The following SNX29 variants were observed in gnomAD, a reference collection of about 807,000 sequenced individuals.
SNX29 encodes sorting nexin-29.
Under a neutral mutation model 102.1 loss-of-function variants are expected in SNX29, and 78 were observed. The observed-to-expected ratio is 0.76, with a 90% CI of 0.64 to 0.92. The LOEUF is 0.92. Among genes scored for constraint, SNX29 ranks in the 40% least tolerant of loss-of-function variants. SNX29 has a pLI of 0.00. For synonymous variants in SNX29, 580 were observed against 414.5 expected, an observed-to-expected ratio of 1.40 and a Z score of -4.85; for missense variants, 1,280 against 1,061.7, an observed-to-expected ratio of 1.21 and a Z score of -2.86.
At chr16:12,198,231 G>A (rs1490108400) in intron 13 of SNX29, among the ~76,000 whole-genome samples, 1 of 152,060 alleles carries the variant, frequency 6.6e-6, no homozygotes, top group African/African-American at 2.4e-5. Context: ...GTGTTGAGTG[G>A]AACAGTAAAC....
chr16:12,572,333 C>G lies in SNX29; in HGVS notation c.*3704C>G, dbSNP rs993074006. 8 of 1,063,238 alleles carry G rather than the reference C, an allele frequency of 7.5e-6. No homozygotes were observed. Among genetic ancestry groups the G allele is most frequent in the Non-Finnish European group, 6.8e-6 (6 of 877,960 alleles). 65.9% of individuals were successfully genotyped at this position (1,063,238 alleles called of 1,614,324 possible). A position where few individuals can be genotyped will look rare whatever the true frequency, so the allele number is the denominator to read the frequency against. Reference sequence around the variant, plus strand: ...GGTTGGAAACAGGAGTGAAGCCCACCAGCCTGCCTGGTTGATGGACAGCAG... The same window carrying G: ...GGTTGGAAACAGGAGTGAAGCCCACGAGCCTGCCTGGTTGATGGACAGCAG... On this transcript the variant is annotated 3_prime_UTR_variant, in exon 21 of 21. Transcript: ENST00000566228.
At chr16:12,382,710 G>A (rs1225719119) in intron 16 of SNX29, among the ~76,000 whole-genome samples, 7 of 152,160 alleles carry the variant, frequency 4.6e-5, no homozygotes, top group Admixed American at 6.5e-5. Context: ...CAGTGGCAGG[G>A]CTGTGTTCCC....
At chr16:12,258,848 T>C (rs1451089572) in intron 14 of SNX29, among the ~76,000 whole-genome samples, 14 of 152,190 alleles carry the variant, frequency 9.2e-5, no homozygotes, top group Admixed American at 8.5e-4. Flanking sequence ...ATCTAATATA[T>C]AATGAGACAC....
chr16:12,420,993 G>A (rs924043124), intron 18 of SNX29, among the ~76,000 whole-genome samples: 2 of 152,178 alleles, frequency 1.3e-5, no homozygotes, highest in African/African-American at 4.8e-5. Context: ...GTGCTATGCG[G>A]GGTACTTTTT....
intron 15 of SNX29, among the ~76,000 whole-genome samples, chr16:12,302,970 AATG>A (rs1393457417): frequency 6.6e-6 from 1 of 152,192 alleles, no homozygotes; most frequent in Non-Finnish European, 1.5e-5. Flanking sequence ...ATTTTCAAGA[AATG>A]ATGTTTATAA....
At chr16:12,068,617 T>G (rs2151298320) in intron 9 of SNX29, among the ~76,000 whole-genome samples, 1 of 152,208 alleles carries the variant, frequency 6.6e-6, no homozygotes, top group South Asian at 2.1e-4. Flanking sequence ...CGATCTCGGC[T>G]CACTGCAACC....
At chr16:12,476,629 C>G (rs1290357393) in intron 18 of SNX29, among the ~76,000 whole-genome samples, 1 of 151,144 alleles carries the variant, frequency 6.6e-6, no homozygotes, top group Non-Finnish European at 1.5e-5. Context: ...GACCCCGGGA[C>G]TTCTGTAAAC....
chr16:12,082,230 C>A (rs985558613), intron 11 of SNX29, among the ~76,000 whole-genome samples: 3 of 152,072 alleles, frequency 2.0e-5, no homozygotes, highest in African/African-American at 4.8e-5. Flanking sequence ...AGGACAGCAG[C>A]CCCGAGATCA....
At chr16:12,083,537 CTTA>C (rs1166265254) in intron 11 of SNX29, among the ~76,000 whole-genome samples, 2 of 152,120 alleles carry the variant, frequency 1.3e-5, no homozygotes, top group Non-Finnish European at 2.9e-5. Flanking sequence ...TGCTTATGAC[CTTA>C]TTAACTTTGA....
intron 15 of SNX29, 72 bp downstream of exon 15, chr16:12,278,108 A>G (rs2079313542): frequency 1.5e-6 from 2 of 1,374,530 alleles, no homozygotes; most frequent in African/African-American, 1.4e-5. Flanking sequence ...GGGTAGGTCC[A>G]GCCTATTCTA....
chr16:12,398,713 A>T lies in SNX29; in HGVS notation c.1955+212A>T, dbSNP rs200072231. ...TTCTCACCCTTGGGTATTTAAAAAC[A>T]TTTTTTTTTTTTTTGGCTGACATTT... On this transcript the variant is annotated intron_variant, in intron 17 of 20. Transcript: ENST00000566228. Among the ~76,000 whole-genome samples the T allele has an allele frequency of 9.0e-4, 130 of 144,654 alleles. 5 individuals are homozygous for T. In the East Asian group the frequency reaches 0.02, roughly 22 times the overall value. 94.9% of individuals were successfully genotyped at this position (144,654 alleles called of 152,430 possible).
intron 15 of SNX29, among the ~76,000 whole-genome samples, chr16:12,317,588 C>T (rs541673731): frequency 3.9e-5 from 6 of 152,186 alleles, no homozygotes; most frequent in Non-Finnish European, 7.3e-5. Flanking sequence ...TTTCTGTGTG[C>T]TGCCACCTAA....
chr16:12,573,129 G>A lies in SNX29; in HGVS notation c.*4500G>A, dbSNP rs1360529488. The A allele has an allele frequency of 8.8e-6, 2 of 227,096 alleles. No individual in the cohort carries two copies. Among genetic ancestry groups the A allele is most frequent in the African/African-American group, 2.2e-5 (1 of 44,972 alleles). 14.1% of individuals were successfully genotyped at this position (227,096 alleles called of 1,614,324 possible). On this transcript the variant is annotated 3_prime_UTR_variant, in exon 21 of 21. Transcript: ENST00000566228. ...TTTTCTAATACACAATCTTGATCTTGTTTCCAAAATAAAGCTTCAGCTCCT... is the reference window on the plus strand; with the variant it reads ...TTTTCTAATACACAATCTTGATCTTATTTCCAAAATAAAGCTTCAGCTCCT...
chr16:12,315,839 C>A (rs1038348619), intron 15 of SNX29, among the ~76,000 whole-genome samples: 1 of 152,184 alleles, frequency 6.6e-6, no homozygotes, highest in Non-Finnish European at 1.5e-5. Flanking sequence ...GAGTTTGTCA[C>A]CCCTGCTCTA....
intron 15 of SNX29, among the ~76,000 whole-genome samples, chr16:12,334,801 C>T (rs1447595489): frequency 6.6e-6 from 1 of 152,022 alleles, no homozygotes; most frequent in African/African-American, 2.4e-5. Flanking sequence ...ACCATGTCAC[C>T]CCATCCCCAC....
chr16:11,996,220 A>C (rs1005432371), intron 1 of SNX29, among the ~76,000 whole-genome samples: 1 of 152,064 alleles, frequency 6.6e-6, no homozygotes, highest in African/African-American at 2.4e-5. Context: ...TGTATAAAAA[A>C]TAAAAATAAA....
At chr16:12,069,253 A>G (rs2051180742) in intron 10 of SNX29, 121 bp downstream of exon 10, 2 of 792,932 alleles carry the variant, frequency 2.5e-6, no homozygotes, top group African/African-American at 1.8e-5. Flanking sequence ...GGTTTACTTC[A>G]CATTTATGTT....
chr16:12,463,949 C>A (rs2086933621), intron 18 of SNX29, among the ~76,000 whole-genome samples: 1 of 151,806 alleles, frequency 6.6e-6, no homozygotes, highest in South Asian at 2.1e-4. Context: ...ATCAGATCCA[C>A]AGAACTTATC....
intron 4 of SNX29, among the ~76,000 whole-genome samples, chr16:12,042,622 C>G (rs945336571): frequency 1.3e-5 from 2 of 152,190 alleles, no homozygotes; most frequent in Non-Finnish European, 2.9e-5. Flanking sequence ...GGATAATGGC[C>G]TCCAGTCATC....
Sources: allele counts gnomAD v4.1 joint callset (sites outside exome capture counted in the v4.1 genomes callset), GRCh38; gene constraint gnomAD v4.1.1; transcripts MANE v1.5; gene names NCBI Gene and HGNC (gene_info 2026-07-23, HGNC 2026-07-21).